Variants in EXOC2 observed in about 807,000 individuals in gnomAD.
EXOC2 encodes the protein exocyst complex component 2.
EXOC2 carries 70 observed loss-of-function variants against 131.8 expected under a neutral mutation model. That is an observed-to-expected ratio of 0.53 (90% CI 0.44 to 0.65). The LOEUF is 0.65. Among genes scored for constraint, EXOC2 ranks in the 30% least tolerant of loss-of-function variants. EXOC2 has a pLI of 0.00. For missense variants in EXOC2, 923 were observed against 1,108.6 expected (o/e 0.83, Z 2.38); for synonymous variants, 411 against 398.4 (o/e 1.03, Z -0.38).
chr6:548,810 C>A (rs575586172), intron 22 of EXOC2, among the ~76,000 whole-genome samples: 6 of 152,286 alleles, frequency 3.9e-5, no homozygotes, highest in South Asian at 4.1e-4. Context: ...CTGGCTGTAT[C>A]TAAAGCGTTC....
At chr6:644,968 T>G (rs758062203) in intron 1 of EXOC2, among the ~76,000 whole-genome samples, 2 of 152,154 alleles carry the variant, frequency 1.3e-5, no homozygotes, top group Non-Finnish European at 2.9e-5. Flanking sequence ...AAGGTCATTC[T>G]AAAATTCCAG....
intron 11 of EXOC2, among the ~76,000 whole-genome samples, chr6:590,829 C>T (rs575727828): frequency 2.6e-5 from 4 of 152,232 alleles, no homozygotes; most frequent in African/African-American, 7.2e-5. Context: ...GGTAAATGCA[C>T]GAGTTCCAAG....
At chr6:579,697 T>C (rs1466963773) in intron 11 of EXOC2, among the ~76,000 whole-genome samples, 1 of 152,156 alleles carries the variant, frequency 6.6e-6, no homozygotes, top group Non-Finnish European at 1.5e-5. Context: ...AAAGCTTATG[T>C]TTTGAAGAGA....
At chr6:517,560 A>T (rs1765228227) in intron 23 of EXOC2, among the ~76,000 whole-genome samples, 1 of 147,702 alleles carries the variant, frequency 6.8e-6, no homozygotes. Flanking sequence ...TTAGTGTTCC[A>T]GCTAACAATT....
chr6:526,586 A>G (rs562414573), intron 23 of EXOC2, among the ~76,000 whole-genome samples: 81 of 151,922 alleles, frequency 5.3e-4, no homozygotes, highest in South Asian at 2.3e-3. Flanking sequence ...GATGACAGGA[A>G]TGCACCACCG....
At chr6:622,833 T>G (rs1761360998) in intron 4 of EXOC2, among the ~76,000 whole-genome samples, 1 of 152,228 alleles carries the variant, frequency 6.6e-6, no homozygotes, top group Non-Finnish European at 1.5e-5. Context: ...ACTCCATTTT[T>G]AAAATTCCCC....
intron 6 of EXOC2, among the ~76,000 whole-genome samples, chr6:612,847 C>T (rs1251659272): frequency 6.6e-6 from 1 of 152,216 alleles, no homozygotes; most frequent in East Asian, 1.9e-4. Context: ...TATTCACTCA[C>T]ACAGTTTTGA....
intron 1 of EXOC2, among the ~76,000 whole-genome samples, chr6:651,193 G>C (rs1382669828): frequency 1.3e-5 from 2 of 151,392 alleles, no homozygotes; most frequent in Non-Finnish European, 2.9e-5. Flanking sequence ...ACCATGCCCA[G>C]CTAATTTTTT....
intron 16 of EXOC2, among the ~76,000 whole-genome samples, chr6:563,546 A>C (rs1249142627): frequency 2.0e-5 from 3 of 152,194 alleles, no homozygotes; most frequent in Non-Finnish European, 4.4e-5. Context: ...TGTAAAGAAA[A>C]CCTTTATGGT....
chr6:689,764 G>A (rs1049858428), intron 1 of EXOC2, among the ~76,000 whole-genome samples: 1 of 152,176 alleles, frequency 6.6e-6, no homozygotes, highest in African/African-American at 2.4e-5. Flanking sequence ...GATCCAGAAT[G>A]AGCTTAGTCT....
chr6:667,319 C>T (rs1480400366), intron 1 of EXOC2, among the ~76,000 whole-genome samples: 2 of 96,794 alleles, frequency 2.1e-5, no homozygotes, highest in African/African-American at 6.1e-5. Flanking sequence ...ATTTCTCATT[C>T]GCTTCTGAAG....
chr6:512,709 T>G (rs1764923572), intron 23 of EXOC2, among the ~76,000 whole-genome samples: 1 of 152,210 alleles, frequency 6.6e-6, no homozygotes, highest in African/African-American at 2.4e-5. Flanking sequence ...CTGTACATGT[T>G]TCTTGGTAAG....
chr6:656,279 G>T, intron 1 of EXOC2: 1 of 1,614,184 alleles, frequency 6.2e-7, no homozygotes, highest in Non-Finnish European at 8.5e-7. Flanking sequence ...TGCTCTCCAG[G>T]TCTCTGTTTT....
At chr6:568,031 A>C (rs1034743805) in intron 13 of EXOC2, among the ~76,000 whole-genome samples, 2 of 152,214 alleles carry the variant, frequency 1.3e-5, no homozygotes, top group African/African-American at 4.8e-5. Flanking sequence ...TGTTGAATTC[A>C]GACACTGCTG....
chr6:600,815 T>C (rs890918729), intron 7 of EXOC2, among the ~76,000 whole-genome samples: 23 of 152,162 alleles, frequency 1.5e-4, no homozygotes, highest in Admixed American at 1.1e-3. Context: ...CCAAAATACA[T>C]GTACTTATAT....
chr6:578,381 G>C (rs1450926136), intron 11 of EXOC2, among the ~76,000 whole-genome samples: 1 of 152,162 alleles, frequency 6.6e-6, no homozygotes, highest in Non-Finnish European at 1.5e-5. Flanking sequence ...CTGCTCTCAA[G>C]ATGTTTACAT....
At chr6:612,029 G>C (rs923284545) in intron 6 of EXOC2, among the ~76,000 whole-genome samples, 12 of 152,148 alleles carry the variant, frequency 7.9e-5, no homozygotes, top group African/African-American at 2.7e-4. Flanking sequence ...ATTGTTAAAC[G>C]AGGCACCAAG....
At chr6:575,743 G>T (rs1439597982) in intron 12 of EXOC2, among the ~76,000 whole-genome samples, 1 of 152,182 alleles carries the variant, frequency 6.6e-6, no homozygotes, top group Non-Finnish European at 1.5e-5. Flanking sequence ...GGCAGCAAAT[G>T]GATTCTTACA....
At chr6:682,426 T>C (rs1355958846) in intron 1 of EXOC2, among the ~76,000 whole-genome samples, 2 of 152,094 alleles carry the variant, frequency 1.3e-5, no homozygotes, top group African/African-American at 2.4e-5. Flanking sequence ...GGTCTAGATC[T>C]CCTGACCTCG....
Sources: allele counts gnomAD v4.1 joint callset (sites outside exome capture counted in the v4.1 genomes callset), GRCh38; gene constraint gnomAD v4.1.1; transcripts MANE v1.5; gene names NCBI Gene and HGNC (gene_info 2026-07-23, HGNC 2026-07-21).